CNBP: variants seen among roughly 807,000 people sequenced by gnomAD.
The protein encoded by CNBP is CCHC-type zinc finger nucleic acid binding protein, also known as cellular nucleic acid-binding protein.
Under a neutral mutation model 21.2 loss-of-function variants are expected in CNBP, and 6 were observed. The ratio of observed to expected loss-of-function variants is 0.28; its 90% CI spans 0.16 to 0.56. CNBP has a LOEUF of 0.56. Among genes scored for constraint, CNBP ranks in the 20% least tolerant of loss-of-function variants. The probability of loss-of-function intolerance (pLI) is 0.93; values close to 1 mark genes in which losing one functional copy is unlikely to be tolerated. For synonymous variants in CNBP, 61 were observed against 74.9 expected (o/e 0.81, Z 0.96); for missense variants, 112 against 233.1 (o/e 0.48, Z 3.38).
Position 129,167,981 on chromosome 3 carries a change from A to T in CNBP, c.*2472T>A, listed in dbSNP as rs1245882055. 6.6e-6 allele frequency among the ~76,000 whole-genome samples: 1 copy of T among 152,226 alleles called. No homozygotes were observed. Among genetic ancestry groups the T allele is most frequent in the Non-Finnish European group, 1.5e-5 (1 of 68,046 alleles). On this transcript the variant is annotated 3_prime_UTR_variant, in exon 5 of 5. Transcript: ENST00000422453. ...CTTGCTCAGGACTATTAATTTGACA[A>T]GGTTGGAATGTGCACAGCACAGCTG...
At chr3:129,175,125 A>C (rs1937811030) in intron 1 of CNBP, among the ~76,000 whole-genome samples, 1 of 151,958 alleles carries the variant, frequency 6.6e-6, no homozygotes, top group Non-Finnish European at 1.5e-5. Flanking sequence ...GGAAATCAAG[A>C]CCATCCTGGC....
intron 1 of CNBP, among the ~76,000 whole-genome samples, chr3:129,181,999 G>A (rs897777195): frequency 9.9e-5 from 15 of 151,782 alleles, no homozygotes; most frequent in Non-Finnish European, 1.8e-4. Flanking sequence ...CTTAACCAGA[G>A]TAACTCATTA....
intron 1 of CNBP, among the ~76,000 whole-genome samples, chr3:129,180,753 G>C (rs1400353876): frequency 6.7e-6 from 1 of 150,020 alleles, no homozygotes. Context: ...AAGAGAAAAA[G>C]GAACCAATCT....
In CNBP at chr3:129,170,207, G is replaced by A; in HGVS notation, c.*246C>T. On this transcript the variant is annotated 3_prime_UTR_variant, in exon 5 of 5. Transcript: ENST00000422453. ...CATTCATCAATCCCTATTCACCAGT[G>A]GCACGGAAAGGGGGTTCTTTAACAA... 1 of 459,654 alleles carries A rather than the reference G, an allele frequency of 2.2e-6. No homozygotes were observed. The allele number at this position is 459,654 out of a possible 1,614,324, so 28.5% of individuals were successfully genotyped here.
At chr3:129,179,732 T>C (rs762203520) in intron 1 of CNBP, among the ~76,000 whole-genome samples, 5 of 152,070 alleles carry the variant, frequency 3.3e-5, no homozygotes, top group Non-Finnish European at 5.9e-5. Flanking sequence ...TGGTGGTGCA[T>C]GAGGCAAGAG....
chr3:129,181,655 A>AAAAAAAAAAAAAAAAAAAG (rs1264573788), intron 1 of CNBP, among the ~76,000 whole-genome samples: 4 of 141,740 alleles, frequency 2.8e-5, no homozygotes, highest in African/African-American at 1.2e-4. Flanking sequence ...GTCTCAGAAA[A>AAAAAAAAAAAAAAAAAAAG]AAAAAAAGAA....
Position 129,172,695 on chromosome 3 carries a change from GACAC to G in CNBP, c.-14-928_-14-925del, listed in dbSNP as rs1553787467. 6.8e-3 allele frequency among the ~76,000 whole-genome samples: 537 copies of G among 78,864 alleles called. 8 individuals carry two copies. The highest frequency in any genetic ancestry group is 7.3e-3 in the African/African-American group (155 of 21,218). The allele number at this position is 78,864 out of a possible 152,430, so 51.7% of individuals were successfully genotyped here. ...AGACAGACAGACAGACAGACAGACAGACACACACACACACACACACACACACACA... is the reference window on the plus strand; with the variant it reads ...AGACAGACAGACAGACAGACAGACAGACACACACACACACACACACACACA... On this transcript the variant is annotated intron_variant, in intron 1 of 4. Transcript: ENST00000422453.
intron 1 of CNBP, among the ~76,000 whole-genome samples, chr3:129,179,498 G>A (rs1465292459): frequency 6.6e-6 from 1 of 152,104 alleles, no homozygotes; most frequent in Non-Finnish European, 1.5e-5. Flanking sequence ...ATATCTATGA[G>A]TCAGTCATTA....
In CNBP at chr3:129,167,938, T is replaced by C. The variant is rs949543584; in HGVS notation, c.*2515A>G. Among the ~76,000 whole-genome samples the C allele has an allele frequency of 6.6e-6, 1 of 152,220 alleles. No individual in the cohort carries two copies. Among genetic ancestry groups the C allele is most frequent in the Non-Finnish European group, 1.5e-5 (1 of 68,042 alleles). ...TATATTCATAAAGAAATGGGTATGT[T>C]ATTACCTCTTTTTCTTGCTTGCTCA... On this transcript the variant is annotated 3_prime_UTR_variant, in exon 5 of 5. Transcript: ENST00000422453.
chr3:129,181,345 G>C (rs959616624), intron 1 of CNBP, among the ~76,000 whole-genome samples: 3 of 148,500 alleles, frequency 2.0e-5, no homozygotes, highest in Non-Finnish European at 3.0e-5. Flanking sequence ...TGTTCCAGAT[G>C]TTCAAATGCC....
intron 1 of CNBP, among the ~76,000 whole-genome samples, chr3:129,173,809 C>T (rs937335728): frequency 7.2e-5 from 11 of 152,138 alleles, no homozygotes; most frequent in African/African-American, 2.7e-4. Flanking sequence ...TAAGCACAGG[C>T]ACCATCATCT....
chr3:129,172,203 G>A (rs1007559983), intron 1 of CNBP, among the ~76,000 whole-genome samples: 1 of 151,938 alleles, frequency 6.6e-6, no homozygotes, highest in Non-Finnish European at 1.5e-5. Context: ...TACATGATTG[G>A]GTATTATAGA....
chr3:129,177,035 G>A (rs1474681614), intron 1 of CNBP, among the ~76,000 whole-genome samples: 2 of 152,166 alleles, frequency 1.3e-5, no homozygotes, highest in African/African-American at 4.8e-5. Context: ...AACCAGGCCA[G>A]AACCTCTAAT....
chr3:129,172,608 A>AGGCAGGCAGGCAGG, intron 1 of CNBP, among the ~76,000 whole-genome samples: 1 of 31,876 alleles, frequency 3.1e-5, no homozygotes, highest in South Asian at 1.2e-3. Context: ...AGGCAGGCAG[A>AGGCAGGCAGGCAGG]CAGGCAGACA....
In CNBP at chr3:129,170,418, CAATCAG is replaced by C. The variant is rs1277636114; in HGVS notation, c.*29_*34del. ...GATTCAGAGAAAATAATACAACCAT[CAATCAG>C]AAAAAGGAGGGGCGACAAAGGAAAA... On this transcript the variant is annotated 3_prime_UTR_variant, in exon 5 of 5. Transcript: ENST00000422453. 6 of 1,534,318 alleles carry C rather than the reference CAATCAG, an allele frequency of 3.9e-6. No homozygotes were observed. Among genetic ancestry groups the C allele is most frequent in the African/African-American group, 1.4e-5 (1 of 73,290 alleles).
At chr3:129,171,365 G>A (rs1937564579) in intron 3 of CNBP, 81 bp downstream of exon 3, 2 of 1,595,722 alleles carry the variant, frequency 1.3e-6, no homozygotes, top group Non-Finnish European at 1.7e-6. Flanking sequence ...AAACCTCAAA[G>A]GTGGAAATGC....
At chr3:129,175,551 T>G (rs1937846919) in intron 1 of CNBP, among the ~76,000 whole-genome samples, 1 of 149,284 alleles carries the variant, frequency 6.7e-6, no homozygotes, top group East Asian at 2.1e-4. Context: ...TGCCTCAGCC[T>G]CCCACATAGC....
chr3:129,168,356 A>G lies in CNBP; in HGVS notation c.*2097T>C, dbSNP rs988160809. On this transcript the variant is annotated 3_prime_UTR_variant, in exon 5 of 5. Coordinates refer to ENST00000422453, the MANE Select transcript of CNBP (RefSeq NM_003418.5). ...TTCAGATCCTTATGAAACCCAGGAA[A>G]AGGTGGGGCACAGTGGCTCACCTGA... Among the ~76,000 whole-genome samples the G allele has an allele frequency of 6.6e-6, 1 of 152,036 alleles. No homozygotes were observed. The highest frequency in any genetic ancestry group is 1.5e-5 in the Non-Finnish European group (1 of 68,016).
rs57560229 is a variant in CNBP at position 129,168,605 on chromosome 3, C to CAAA, written c.*1845_*1847dup. On this transcript the variant is annotated 3_prime_UTR_variant, in exon 5 of 5. Transcript: ENST00000422453. Reference sequence around the variant, plus strand: ...CCTGGGCAACAGAGCGAGACTGTCTCAAAAAAAAAAAAAAAAAAAAAAAAG... The same window carrying CAAA: ...CCTGGGCAACAGAGCGAGACTGTCTCAAAAAAAAAAAAAAAAAAAAAAAAAAAG... Among the ~76,000 whole-genome samples, 28 of 39,478 alleles carry CAAA rather than the reference C, an allele frequency of 7.1e-4. No individual in the cohort carries two copies. The South Asian group carries it at 8.3e-3, about 12-fold the overall frequency. 25.9% of individuals were successfully genotyped at this position (39,478 alleles called of 152,430 possible).
Sources: gnomAD v4.1 joint callset for allele counts (sites outside exome capture counted in the v4.1 genomes callset) on GRCh38, gnomAD v4.1.1 for gene constraint, MANE v1.5 for transcripts, NCBI Gene and HGNC (gene_info 2026-07-23, HGNC 2026-07-21) for gene names.